MCTP2: variants seen among roughly 807,000 people sequenced by gnomAD.
MCTP2 encodes the protein multiple C2 and transmembrane domain containing 2.
Under a neutral mutation model 111.6 loss-of-function variants are expected in MCTP2, and 132 were observed. That is an observed-to-expected ratio of 1.18 (90% CI 1.03 to 1.37). The LOEUF is 1.37. Among genes scored for constraint, MCTP2 ranks in the 40% most tolerant of loss-of-function variants. The pLI, the probability that MCTP2 is intolerant of heterozygous loss-of-function variation, is 0.00. For synonymous variants in MCTP2, 395 were observed against 387.7 expected (o/e 1.02, Z -0.22); for missense variants, 1,183 against 1,067.9 (o/e 1.11, Z -1.50).
intron 4 of MCTP2, among the ~76,000 whole-genome samples, chr15:94,323,863 GCT>G (rs2076733528): frequency 6.6e-6 from 1 of 151,954 alleles, no homozygotes; most frequent in South Asian, 2.1e-4. Flanking sequence ...ATCTTTCTTT[GCT>G]CTTTCTACTC....
Position 94,479,004 on chromosome 15 carries a change from C to T in MCTP2, c.2607C>T (p.Ser869=). The T allele has an allele frequency of 2.5e-6, 4 of 1,614,074 alleles. No individual in the cohort carries two copies. Among genetic ancestry groups the T allele is most frequent in the Non-Finnish European group, 3.4e-6 (4 of 1,179,980 alleles). Residue 869 remains serine, a synonymous_variant, in exon 23 of 23, where the codon AGC becomes AGT. Coordinates refer to ENST00000357742, the MANE Select transcript of MCTP2 (RefSeq NM_001385001.1). The part of the protein sequence containing the change: ...YAELKLCSSH[S]PLRKKRSAL ...AATTGAAACTCTGCAGCAGCCACAG[C>T]CCCCTGCGGAAGAAGCGCAGCGCTC...
Position 94,363,411 on chromosome 15 carries a change from C to T in MCTP2, c.1302-4194C>T, listed in dbSNP as rs1011776872. 1.6e-4 allele frequency among the ~76,000 whole-genome samples: 24 copies of T among 152,026 alleles called. 1 individual carries two copies. The highest frequency in any genetic ancestry group is 4.6e-4 in the African/African-American group (19 of 41,372). On this transcript the variant is annotated intron_variant, in intron 10 of 22. Transcript: ENST00000357742. Reference sequence around the variant, plus strand: ...AAGCGGAGGCTTCCTTGAAGAACAGCGGTCTAAGCTGAGACTTGTAGGAAT... The same window carrying T: ...AAGCGGAGGCTTCCTTGAAGAACAGTGGTCTAAGCTGAGACTTGTAGGAAT...
chr15:94,265,329 G>A (rs2073455003), intron 1 of MCTP2, among the ~76,000 whole-genome samples: 1 of 149,720 alleles, frequency 6.7e-6, no homozygotes, highest in African/African-American at 2.6e-5. Flanking sequence ...ATGGCAGACA[G>A]AGGCAGACGA....
intron 12 of MCTP2, among the ~76,000 whole-genome samples, chr15:94,379,883 T>C (rs902556601): frequency 6.8e-5 from 10 of 146,066 alleles, no homozygotes; most frequent in Non-Finnish European, 1.0e-4. Flanking sequence ...TCTATACTTA[T>C]ATATAATATA....
intron 21 of MCTP2, among the ~76,000 whole-genome samples, chr15:94,474,726 T>C (rs1056486745): frequency 6.6e-6 from 1 of 152,192 alleles, no homozygotes; most frequent in African/African-American, 2.4e-5. Context: ...GGGTCTGTGA[T>C]TTCCTGTTGA....
intron 14 of MCTP2, among the ~76,000 whole-genome samples, chr15:94,395,934 A>G (rs2081260692): frequency 6.6e-6 from 1 of 152,182 alleles, no homozygotes; most frequent in Non-Finnish European, 1.5e-5. Context: ...ATTTCTGAAA[A>G]TAATATAAGG....
At chr15:94,400,031 C>T (rs765615153) in intron 16 of MCTP2, 36 bp downstream of exon 16, 5 of 1,566,884 alleles carry the variant, frequency 3.2e-6, no homozygotes, top group Non-Finnish European at 4.4e-6. Flanking sequence ...TTGATTGGTA[C>T]ACTCAGCACC....
chr15:94,421,927 G>A (rs1473374896), intron 17 of MCTP2, among the ~76,000 whole-genome samples: 1 of 152,172 alleles, frequency 6.6e-6, no homozygotes, highest in Non-Finnish European at 1.5e-5. Context: ...CATTCATGTG[G>A]CTTCCTGAAG....
chr15:94,244,505 C>T (rs1371156215), intron 1 of MCTP2, among the ~76,000 whole-genome samples: 2 of 146,348 alleles, frequency 1.4e-5, no homozygotes, highest in Admixed American at 6.7e-5. Context: ...TATACACATA[C>T]ATATGCACCT....
rs768255726 is a variant in MCTP2, at chr15:94,440,334, C to T, written c.2208+36C>T. ...ATTCGGAGTTCTGACATTTGACTGC[C>T]GAGAAATGTGTTAACAACAAACTAC... On this transcript the variant is annotated intron_variant, in intron 18 of 22. Coordinates refer to ENST00000357742, the MANE Select transcript of MCTP2 (RefSeq NM_001385001.1). 6.2e-6 allele frequency: 10 copies of T among 1,610,406 alleles called. No homozygotes were observed. The Admixed American group carries it at 6.7e-5, about 11-fold the overall frequency.
chr15:94,280,236 T>C (rs1489086709), intron 1 of MCTP2, among the ~76,000 whole-genome samples: 1 of 152,080 alleles, frequency 6.6e-6, no homozygotes, highest in Non-Finnish European at 1.5e-5. Context: ...TTTTCCTTTT[T>C]CGTAGGTTTT....
At position 94,260,447 on chromosome 15, in the gene MCTP2, G is replaced by A. The variant is rs978110124; in HGVS notation, c.-66+28783G>A. Among the ~76,000 whole-genome samples, 4 of 152,096 alleles carry A rather than the reference G, an allele frequency of 2.6e-5. No homozygotes were observed. In the East Asian group the frequency reaches 5.8e-4, roughly 22 times the overall value. ...ACTCTCTTCTTCTTTCTGCCCTCTC[G>A]TCTTCTCTCATGGGCCACAGAGTGG... is the stretch of plus-strand genomic sequence containing the variant. On this transcript the variant is annotated intron_variant, in intron 1 of 22. Coordinates refer to ENST00000357742, the MANE Select transcript of MCTP2 (RefSeq NM_001385001.1).
At chr15:94,327,115 A>G (rs997247208) in intron 4 of MCTP2, among the ~76,000 whole-genome samples, 1 of 152,134 alleles carries the variant, frequency 6.6e-6, no homozygotes, top group Non-Finnish European at 1.5e-5. Context: ...AAATATTTTT[A>G]ATCTTACGAT....
At chr15:94,344,713 A>G (rs1161574360) in intron 7 of MCTP2, among the ~76,000 whole-genome samples, 1 of 152,226 alleles carries the variant, frequency 6.6e-6, no homozygotes, top group African/African-American at 2.4e-5. Context: ...TCTAGCATCT[A>G]AAACTATGGA....
At chr15:94,295,964 A>G (rs1324199810) in intron 1 of MCTP2, among the ~76,000 whole-genome samples, 3 of 151,396 alleles carry the variant, frequency 2.0e-5, no homozygotes, top group Non-Finnish European at 4.4e-5. Flanking sequence ...GAATTTGTAT[A>G]AATTCTTTTT....
chr15:94,467,730 C>T (rs919143989), intron 20 of MCTP2, among the ~76,000 whole-genome samples: 1 of 152,146 alleles, frequency 6.6e-6, no homozygotes, highest in African/African-American at 2.4e-5. Flanking sequence ...AGGAAAGCTG[C>T]AAGTTAAATT....
At chr15:94,272,695 G>A (rs760798562) in intron 1 of MCTP2, among the ~76,000 whole-genome samples, 9 of 151,052 alleles carry the variant, frequency 6.0e-5, no homozygotes, top group East Asian at 2.0e-4. Context: ...TTGGCTTTTC[G>A]GTTTTGGGTT....
At chr15:94,246,091 C>G (rs1022645072) in intron 1 of MCTP2, among the ~76,000 whole-genome samples, 1 of 151,940 alleles carries the variant, frequency 6.6e-6, no homozygotes, top group African/African-American at 2.4e-5. Flanking sequence ...GGGGAGAGGT[C>G]GTCACTTTTA....
intron 20 of MCTP2, among the ~76,000 whole-genome samples, chr15:94,465,857 G>A (rs998040742): frequency 1.2e-4 from 17 of 136,540 alleles, no homozygotes; most frequent in Admixed American, 1.5e-4. Flanking sequence ...AGTTAACAGC[G>A]TTATGTGCCA....
Sources: allele counts gnomAD v4.1 joint callset (sites outside exome capture counted in the v4.1 genomes callset), GRCh38; gene constraint gnomAD v4.1.1; transcripts MANE v1.5; gene names NCBI Gene and HGNC (gene_info 2026-07-23, HGNC 2026-07-21).